Variants in PKNOX1 observed in about 807,000 individuals in gnomAD.
PKNOX1 encodes the protein homeobox protein PKNOX1.
Under a neutral mutation model 51.9 loss-of-function variants are expected in PKNOX1, and 15 were observed. The ratio of observed to expected loss-of-function variants is 0.29; its 90% CI spans 0.19 to 0.45. The LOEUF (loss-of-function observed/expected upper bound fraction) is 0.45, where lower values mean the gene tolerates loss of function less well. PKNOX1 is among the 20% of genes least tolerant of loss of function. The pLI is 1.00. For missense variants in PKNOX1, 462 were observed against 547.5 expected (o/e 0.84, Z 1.56); for synonymous variants, 219 against 211.1 (o/e 1.04, Z -0.32).
At chr21:42,991,398 C>T (rs1251903187) in intron 1 of PKNOX1, among the ~76,000 whole-genome samples, 2 of 151,692 alleles carry the variant, frequency 1.3e-5, no homozygotes, top group Non-Finnish European at 2.9e-5. Flanking sequence ...GGTGGCTTAA[C>T]TATACAGAGA....
chr21:42,985,212 C>T (rs1436095013), intron 1 of PKNOX1, among the ~76,000 whole-genome samples: 2 of 152,048 alleles, frequency 1.3e-5, no homozygotes, highest in East Asian at 3.9e-4. Context: ...ATCTCGAACT[C>T]CTCACCTCAG....
chr21:43,025,067 A>C, intron 9 of PKNOX1, 120 bp downstream of exon 9: 1 of 676,120 alleles, frequency 1.5e-6, no homozygotes, highest in East Asian at 2.7e-5. Flanking sequence ...CTTTTTTCCC[A>C]ACTGAGACGG....
At position 43,029,873 on chromosome 21, in the gene PKNOX1, C is replaced by A. The variant is rs1406645483; in HGVS notation, c.1100-17C>A. On this transcript the variant is annotated splice_polypyrimidine_tract_variant and intron_variant, in intron 10 of 10. Coordinates refer to ENST00000291547, the MANE Select transcript of PKNOX1 (RefSeq NM_004571.5). The stretch of plus-strand genomic sequence containing the variant: ...GAGTACTAATTTAAATAATGACACA[C>A]CTTCATCCTGCCGCAGGAGCTGTTG... 1.9e-6 allele frequency: 3 copies of A among 1,605,474 alleles called. No homozygotes were observed. Among genetic ancestry groups the A allele is most frequent in the African/African-American group, 2.7e-5 (2 of 74,786 alleles).
intron 5 of PKNOX1, among the ~76,000 whole-genome samples, chr21:43,014,062 C>T (rs1476424455): frequency 7.0e-6 from 1 of 142,282 alleles, no homozygotes; most frequent in Non-Finnish European, 1.5e-5. Context: ...CGCTCCATCA[C>T]CCAGGCTGGA....
At chr21:43,014,019 C>CTTT (rs149943829) in intron 5 of PKNOX1, among the ~76,000 whole-genome samples, 30 of 120,424 alleles carry the variant, frequency 2.5e-4, no homozygotes, top group Non-Finnish European at 3.1e-4. Context: ...TGTCTTTTGC[C>CTTT]TTTTTTTTTT....
chr21:42,984,251 G>A (rs1207013693), intron 1 of PKNOX1, among the ~76,000 whole-genome samples: 2 of 151,506 alleles, frequency 1.3e-5, no homozygotes, highest in Admixed American at 6.6e-5. Flanking sequence ...ATGTTCATAC[G>A]TTTTTACATA....
chr21:43,024,617 C>G, intron 8 of PKNOX1: 6 of 426,184 alleles, frequency 1.4e-5, no homozygotes, highest in Non-Finnish European at 2.1e-5. Context: ...CTGCTGTTAT[C>G]GTCACCGCTG....
chr21:42,981,111 C>T (rs116262895), intron 1 of PKNOX1, among the ~76,000 whole-genome samples: 2,374 of 152,276 alleles, frequency 0.016, 79 homozygotes, highest in African/African-American at 0.054. Flanking sequence ...ATCTTGCATC[C>T]GTGTGCAGCA....
intron 10 of PKNOX1, among the ~76,000 whole-genome samples, chr21:43,029,482 C>T (rs1433056009): frequency 5.6e-5 from 7 of 124,760 alleles, no homozygotes; most frequent in Non-Finnish European, 9.4e-5. Context: ...GGCTGGAGTG[C>T]AATGGCGCAA....
chr21:42,997,158 G>A (rs1360437961), intron 1 of PKNOX1, among the ~76,000 whole-genome samples: 1 of 152,194 alleles, frequency 6.6e-6, no homozygotes, highest in African/African-American at 2.4e-5. Flanking sequence ...TGGAATTACA[G>A]GCATGAGCCA....
chr21:42,992,520 C>T (rs1180132483), intron 1 of PKNOX1, among the ~76,000 whole-genome samples: 1 of 152,184 alleles, frequency 6.6e-6, no homozygotes, highest in Non-Finnish European at 1.5e-5. Context: ...GAGGAAGTGG[C>T]CGTCTCTCCT....
At chr21:43,023,916 AT>A (rs71332388) in intron 8 of PKNOX1, among the ~76,000 whole-genome samples, 5,583 of 136,616 alleles carry the variant, frequency 0.041, 122 homozygotes, top group Middle Eastern at 0.065. Context: ...ACCTGGCCAG[AT>A]TTTTTTTTTT....
chr21:43,003,567 C>T (rs960075360), intron 1 of PKNOX1, among the ~76,000 whole-genome samples: 4 of 152,290 alleles, frequency 2.6e-5, no homozygotes, highest in Admixed American at 6.5e-5. Context: ...CAGCATCTTC[C>T]CAGCGAGGCC....
Position 43,021,251 on chromosome 21 carries a change from G to C in PKNOX1, c.721-52G>C. 1.4e-6 allele frequency: 2 copies of C among 1,475,870 alleles called. No individual in the cohort carries two copies. The highest frequency in any genetic ancestry group is 1.9e-6 in the Non-Finnish European group (2 of 1,077,834). The allele number at this position is 1,475,870 out of a possible 1,614,324, so 91.4% of individuals were successfully genotyped here. On this transcript the variant is annotated intron_variant, in intron 7 of 10. Transcript: ENST00000291547. This position sits in a 1 kb window ranked among gnomAD's most constrained non-coding sequence, Gnocchi z 4.6. ...TCTCCACCTGCAGTTGTAAGTACTTGGATATGTGAGAATTTCCTATGCTTT... is the reference window on the plus strand; with the variant it reads ...TCTCCACCTGCAGTTGTAAGTACTTCGATATGTGAGAATTTCCTATGCTTT...
At chr21:43,002,148 T>C (rs1390931324) in intron 1 of PKNOX1, among the ~76,000 whole-genome samples, 2 of 152,128 alleles carry the variant, frequency 1.3e-5, no homozygotes, top group Non-Finnish European at 2.9e-5. Flanking sequence ...TGAACCGCCG[T>C]GTCCAGTTAG....
chr21:43,027,061 G>C (rs1418313585), intron 9 of PKNOX1, among the ~76,000 whole-genome samples: 2 of 152,090 alleles, frequency 1.3e-5, no homozygotes, highest in Non-Finnish European at 2.9e-5. Context: ...AACCAGAGTA[G>C]AATCTGAGTC....
At chr21:43,008,188 G>T (rs1193729745) in intron 3 of PKNOX1, among the ~76,000 whole-genome samples, 1 of 152,058 alleles carries the variant, frequency 6.6e-6, no homozygotes, top group Admixed American at 6.6e-5. Context: ...AGGCACAGAT[G>T]ATTTTACTGA....
intron 1 of PKNOX1, among the ~76,000 whole-genome samples, chr21:42,976,924 TTAAA>T (rs1285642164): frequency 6.6e-6 from 1 of 152,246 alleles, no homozygotes; most frequent in Non-Finnish European, 1.5e-5. Flanking sequence ...AATGTATTTC[TTAAA>T]TAATTAAGAC....
At chr21:43,022,388 C>T (rs1295609872) in intron 8 of PKNOX1, among the ~76,000 whole-genome samples, 2 of 152,230 alleles carry the variant, frequency 1.3e-5, no homozygotes, top group Non-Finnish European at 2.9e-5. Flanking sequence ...GCCCACTTTC[C>T]TCTGGCTGCC....
Sources: allele counts gnomAD v4.1 joint callset (sites outside exome capture counted in the v4.1 genomes callset), GRCh38; gene constraint gnomAD v4.1.1; non-coding constraint Gnocchi (gnomAD v3.1); transcripts MANE v1.5; gene names NCBI Gene and HGNC (gene_info 2026-07-23, HGNC 2026-07-21).